Variants in DLEC1 observed in about 807,000 individuals in gnomAD.
DLEC1 encodes deleted in lung and esophageal cancer protein 1.
Under a neutral mutation model 198.1 loss-of-function variants are expected in DLEC1, and 146 were observed. The ratio of observed to expected loss-of-function variants is 0.74; its 90% CI spans 0.64 to 0.85. The LOEUF (loss-of-function observed/expected upper bound fraction) is 0.85. Ranked by LOEUF, DLEC1 falls within the 40% of genes least tolerant of loss-of-function variation. The pLI, the probability that DLEC1 is intolerant of heterozygous loss-of-function variation, is 0.00. For synonymous variants in DLEC1, 897 were observed against 866.8 expected, an observed-to-expected ratio of 1.03 and a Z score of -0.61; for missense variants, 2,233 against 2,220.0, an observed-to-expected ratio of 1.01 and a Z score of -0.12.
At chr3:38,066,493 C>A (rs1697037887) in intron 6 of DLEC1, among the ~76,000 whole-genome samples, 1 of 152,098 alleles carries the variant, frequency 6.6e-6, no homozygotes, top group Admixed American at 6.6e-5. Flanking sequence ...ATAGTTGAAC[C>A]CCCTTTCCTT....
In DLEC1 at chr3:38,062,773, G is replaced by A. The variant is rs750642314; in HGVS notation, c.1066G>A (p.Glu356Lys). 1 of 1,613,976 alleles carries A rather than the reference G, an allele frequency of 6.2e-7. No homozygotes were observed. Among genetic ancestry groups the A allele is most frequent in the South Asian group, 1.1e-5 (1 of 91,074 alleles). Reference protein sequence around the residue: ...FPPKKPAPIGEFQSTEPEQSC... With the variant: ...FPPKKPAPIGKFQSTEPEQSC... ...TCCAAAGAAGCCAGCACCGATAGGA[G>A]AATTCCAGAGTACAGAGCCAGAACA... Residue 356 changes from glutamate (E) to lysine (K), a missense_variant, in exon 5 of 37, where the codon GAA becomes AAA. By Grantham distance (56) the Glu-to-Lys change is moderately conservative. Transcript: ENST00000308059.
At chr3:38,039,693 C>G in intron 1 of DLEC1, 57 bp downstream of exon 1, 1 of 1,521,366 alleles carries the variant, frequency 6.6e-7, no homozygotes, top group South Asian at 1.3e-5. Flanking sequence ...GCGCTCGGCA[C>G]GCGTCAGCAC....
chr3:38,110,653 G>T (rs1258299329), intron 23 of DLEC1, among the ~76,000 whole-genome samples: 1 of 152,182 alleles, frequency 6.6e-6, no homozygotes, highest in Non-Finnish European at 1.5e-5. Context: ...AGGGACCACT[G>T]ATAGCGTGCC....
chr3:38,097,214 C>T lies in DLEC1; in HGVS notation c.2373C>T (p.Tyr791=). The T allele has an allele frequency of 6.3e-7, 1 of 1,585,572 alleles. No individual in the cohort carries two copies. The highest frequency in any genetic ancestry group is 8.6e-7 in the Non-Finnish European group (1 of 1,164,624). The change falls in exon 16 of 37, where the codon TAC becomes TAT. Residue 791 remains tyrosine, a synonymous_variant. Transcript: ENST00000308059. The part of the protein sequence containing the change: ...MWNNSKSPIR[Y]LWGKISDCHI... ...ACAACAGCAAGTCACCCATCAGATA[C>T]CTGTGGGGGAAGATCAGCGACTGCC...
chr3:38,103,635 T>G (rs910891186), intron 19 of DLEC1: 1 of 152,282 alleles, frequency 6.6e-6, no homozygotes, highest in Non-Finnish European at 1.5e-5. Context: ...CAGCTTTGAA[T>G]GTGCCTTCCT....
chr3:38,095,531 T>C, intron 13 of DLEC1: 2 of 326,330 alleles, frequency 6.1e-6, no homozygotes, highest in South Asian at 8.1e-5. Flanking sequence ...GTTAGTGGGT[T>C]TGGGGCTGAG....
intron 1 of DLEC1, among the ~76,000 whole-genome samples, chr3:38,044,549 G>C (rs1006723924): frequency 1.3e-5 from 2 of 151,742 alleles, no homozygotes; most frequent in African/African-American, 4.8e-5. Context: ...GGCAACAAGA[G>C]CAAAACTCTG....
At chr3:38,104,010 G>A (rs942842321) in intron 19 of DLEC1, among the ~76,000 whole-genome samples, 9 of 152,202 alleles carry the variant, frequency 5.9e-5, no homozygotes, top group Non-Finnish European at 1.0e-4. Flanking sequence ...ATGAGGACAT[G>A]CAATTGGAAA....
chr3:38,121,536 ATCAGCACTTGGGG>A (rs1238997610), intron 34 of DLEC1, 79 bp from the exon 35 acceptor site: 6 of 1,487,250 alleles, frequency 4.0e-6, no homozygotes, highest in Non-Finnish European at 4.5e-6. Context: ...CTTCAGGAGC[ATCAGCACTTGGGG>A]TCAGCAGGGT....
chr3:38,050,927 T>G (rs1428248869), intron 2 of DLEC1, among the ~76,000 whole-genome samples: 2 of 149,402 alleles, frequency 1.3e-5, no homozygotes, highest in East Asian at 4.0e-4. Flanking sequence ...AAAGGCACCA[T>G]GTCTCTCTCT....
chr3:38,120,792 C>T (rs762701782), intron 34 of DLEC1, among the ~76,000 whole-genome samples, 183 bp downstream of exon 34: 25 of 152,212 alleles, frequency 1.6e-4, no homozygotes, highest in Non-Finnish European at 2.1e-4. Context: ...CATCCAACCT[C>T]ACCTGCCTCA....
chr3:38,117,360 G>A, intron 31 of DLEC1, 58 bp downstream of exon 31: 1 of 1,600,380 alleles, frequency 6.2e-7, no homozygotes, highest in Non-Finnish European at 8.6e-7. Context: ...CCCTCACCAG[G>A]CACTGGTGGA....
intron 1 of DLEC1, among the ~76,000 whole-genome samples, chr3:38,043,700 CT>C (rs1189175890): frequency 3.3e-5 from 5 of 149,486 alleles, no homozygotes; most frequent in South Asian, 2.1e-4. Context: ...CACAATAAAT[CT>C]TTTTTTTTTA....
At chr3:38,092,917 A>AG (rs768432438) in intron 11 of DLEC1, 37 bp downstream of exon 11, 51 of 1,597,348 alleles carry the variant, frequency 3.2e-5, no homozygotes, top group Non-Finnish European at 4.3e-5. Context: ...AAGGCTGGAG[A>AG]GGCTGCCCCA....
chr3:38,097,123 G>A, intron 15 of DLEC1, 59 bp from the exon 16 acceptor site: 1 of 1,419,832 alleles, frequency 7.0e-7, no homozygotes, highest in Non-Finnish European at 9.7e-7. Context: ...TCCTTCAGCA[G>A]GTACAGAATT....
chr3:38,053,626 C>T (rs1701261452), intron 2 of DLEC1, among the ~76,000 whole-genome samples: 1 of 127,188 alleles, frequency 7.9e-6, no homozygotes, highest in Non-Finnish European at 1.7e-5. Flanking sequence ...TGGGGGGCGC[C>T]TCTGCCCGGC....
chr3:38,057,013 G>A (rs1696406685), intron 2 of DLEC1, among the ~76,000 whole-genome samples: 1 of 152,214 alleles, frequency 6.6e-6, no homozygotes, highest in African/African-American at 2.4e-5. Flanking sequence ...CTGCCTTTTT[G>A]TGGGCCTCCT....
Position 38,114,439 on chromosome 3 carries a change from C to T in DLEC1, c.3764C>T (p.Ala1255Val), listed in dbSNP as rs1700045421. The change falls in exon 26 of 37, where the codon GCC becomes GTC. Residue 1255 changes from alanine (A) to valine (V), a missense_variant. By Grantham distance (64) the Ala-to-Val change is moderately conservative (BLOSUM62 0). Coordinates refer to ENST00000308059, the MANE Select transcript of DLEC1 (RefSeq NM_007335.4). ...LRTTSYTIDQ[A>V]QKEPAMRFGT... ...ACCACCTCCTACACTATTGACCAGGCCCAGAAGGAACCAGCCATGAGGTGC... is the reference window on the plus strand; with the variant it reads ...ACCACCTCCTACACTATTGACCAGGTCCAGAAGGAACCAGCCATGAGGTGC... The T allele has an allele frequency of 6.2e-7, 1 of 1,614,078 alleles. No homozygotes were observed. The highest frequency in any genetic ancestry group is 1.1e-5 in the South Asian group (1 of 91,096).
chr3:38,062,779 C>A lies in DLEC1; in HGVS notation c.1072C>A (p.Gln358Lys). The change falls in exon 5 of 37, where the codon CAG becomes AAG. Residue 358 changes from glutamine to lysine, a missense_variant. Gln to Lys is a moderately conservative substitution (Grantham distance 53). Coordinates refer to ENST00000308059, the MANE Select transcript of DLEC1 (RefSeq NM_007335.4). ...GAAGCCAGCACCGATAGGAGAATTC[C>A]AGAGTACAGAGCCAGAACAGAGGTA... ...PKKPAPIGEFQSTEPEQSCAD... is the reference protein window; with the variant it reads ...PKKPAPIGEFKSTEPEQSCAD... 6.2e-7 allele frequency: 1 copy of A among 1,613,884 alleles called. No individual in the cohort carries two copies. The highest frequency in any genetic ancestry group is 8.5e-7 in the Non-Finnish European group (1 of 1,179,924).
Sources: allele counts gnomAD v4.1 joint callset (sites outside exome capture counted in the v4.1 genomes callset), GRCh38; gene constraint gnomAD v4.1.1; transcripts MANE v1.5; gene names NCBI Gene and HGNC (gene_info 2026-07-23, HGNC 2026-07-21).